MTCL3: variants seen among roughly 807,000 people sequenced by gnomAD.
The protein encoded by MTCL3 is microtubule cross-linking factor 3.
the MTCL3 span, among the ~76,000 whole-genome samples, chr6:127,493,665 T>G: frequency 2.0e-5 from 3 of 152,190 alleles, no homozygotes; most frequent in African/African-American, 7.2e-5. Context: ...TTCCTATCTT[T>G]TGAGTTATGA....
chr6:127,482,781 A>G, the MTCL3 span: 1 of 597,158 alleles, frequency 1.7e-6, no homozygotes, highest in East Asian at 3.0e-5. The surrounding 1 kb of genome is among the most constrained non-coding windows in gnomAD (Gnocchi z 4.1). Flanking sequence ...CTACAGCTAC[A>G]TAATTGATAT....
the MTCL3 span, chr6:127,515,496 T>TC: frequency 2.2e-4 from 306 of 1,406,672 alleles, no homozygotes; most frequent in Non-Finnish European, 2.7e-4. The surrounding 1 kb of genome is among the most constrained non-coding windows in gnomAD (Gnocchi z 4.3). Flanking sequence ...CCCAGCCGGG[T>TC]CCCCCCACCC....
the MTCL3 span, among the ~76,000 whole-genome samples, chr6:127,513,417 A>G: frequency 6.6e-6 from 1 of 152,226 alleles, no homozygotes; most frequent in Admixed American, 6.5e-5. Context: ...ATTGCATTTT[A>G]TCACATGTAG....
At chr6:127,491,600 T>A in the MTCL3 span, among the ~76,000 whole-genome samples, 1 of 152,206 alleles carries the variant, frequency 6.6e-6, no homozygotes. Flanking sequence ...TGTGACTTGC[T>A]TTACTGCTGT....
At chr6:127,519,235 C>G in the MTCL3 span, 1 of 152,268 alleles carries the variant, frequency 6.6e-6, no homozygotes, top group Non-Finnish European at 1.5e-5. Flanking sequence ...TTCGGTCATT[C>G]TCCATCAATT....
chr6:127,506,628 G>A, the MTCL3 span, among the ~76,000 whole-genome samples: 1 of 151,982 alleles, frequency 6.6e-6, no homozygotes, highest in Admixed American at 6.6e-5. Flanking sequence ...TGTCCCTCAG[G>A]CTGGAGTGCA....
the MTCL3 span, among the ~76,000 whole-genome samples, chr6:127,495,262 A>G: frequency 6.6e-6 from 1 of 152,120 alleles, no homozygotes; most frequent in Non-Finnish European, 1.5e-5. Context: ...TAAACTATGG[A>G]TGACAACAAC....
the MTCL3 span, among the ~76,000 whole-genome samples, chr6:127,495,156 C>A: frequency 1.3e-5 from 2 of 151,530 alleles, no homozygotes; most frequent in African/African-American, 4.9e-5. Context: ...AAGATCAAGC[C>A]CCTGCACTCC....
the MTCL3 span, among the ~76,000 whole-genome samples, chr6:127,477,147 A>G: frequency 6.6e-6 from 1 of 152,238 alleles, no homozygotes; most frequent in African/African-American, 2.4e-5. Flanking sequence ...GTAAGTCAGC[A>G]AAGTTTGACA....
At chr6:127,478,292 C>T in the MTCL3 span, among the ~76,000 whole-genome samples, 3 of 152,108 alleles carry the variant, frequency 2.0e-5, no homozygotes, top group East Asian at 1.9e-4. Context: ...CCATTTAGAT[C>T]GCTTTCAAAA....
chr6:127,497,747 T>C, the MTCL3 span, among the ~76,000 whole-genome samples: 1 of 152,162 alleles, frequency 6.6e-6, no homozygotes, highest in African/African-American at 2.4e-5. Flanking sequence ...ACATTGAATG[T>C]ATAAAGAATG....
chr6:127,496,604 C>T, the MTCL3 span, among the ~76,000 whole-genome samples: 17 of 152,152 alleles, frequency 1.1e-4, no homozygotes, highest in African/African-American at 4.1e-4. Context: ...CATATATCCA[C>T]CAAGGACTTT....
the MTCL3 span, chr6:127,516,349 G>A: frequency 6.3e-7 from 1 of 1,595,168 alleles, no homozygotes; most frequent in Non-Finnish European, 8.5e-7. Context: ...GGGCGGCCCC[G>A]TGCGGCTCCC....
chr6:127,483,176 C>T, the MTCL3 span, among the ~76,000 whole-genome samples: 5 of 152,292 alleles, frequency 3.3e-5, no homozygotes, highest in South Asian at 8.3e-4. Context: ...CTAGGATACA[C>T]ATCACAGTAG....
the MTCL3 span, among the ~76,000 whole-genome samples, chr6:127,499,674 C>G: frequency 6.6e-6 from 1 of 152,164 alleles, no homozygotes; most frequent in Non-Finnish European, 1.5e-5. Flanking sequence ...GGGTATTCTT[C>G]TTTAGCTACC....
At chr6:127,516,682 C>A in the MTCL3 span, 1 of 1,520,644 alleles carries the variant, frequency 6.6e-7, no homozygotes, top group South Asian at 1.2e-5. Context: ...CTCTTCACCG[C>A]CGCCAACCTT....
At chr6:127,509,861 C>T in the MTCL3 span, among the ~76,000 whole-genome samples, 1 of 152,150 alleles carries the variant, frequency 6.6e-6, no homozygotes. Context: ...CATAAAATTA[C>T]CATTGCAAAA....
the MTCL3 span, among the ~76,000 whole-genome samples, chr6:127,477,434 T>A: frequency 6.6e-6 from 1 of 152,184 alleles, no homozygotes; most frequent in Non-Finnish European, 1.5e-5. Context: ...TTCTCAAAAT[T>A]CTCTTTTAAG....
chr6:127,500,084 G>T, the MTCL3 span, among the ~76,000 whole-genome samples: 5 of 152,094 alleles, frequency 3.3e-5, no homozygotes, highest in African/African-American at 1.2e-4. Context: ...CCATAATCCT[G>T]CCCATACTGC....
Sources: gnomAD v4.1 joint callset for allele counts (sites outside exome capture counted in the v4.1 genomes callset) on GRCh38, gnomAD v4.1.1 for gene constraint, Gnocchi (gnomAD v3.1) non-coding constraint, MANE v1.5 for transcripts, NCBI Gene and HGNC (gene_info 2026-07-23, HGNC 2026-07-21) for gene names.